The following L3MBTL4 variants were observed in gnomAD, a reference collection of about 807,000 sequenced individuals.
The protein encoded by L3MBTL4 is L3MBTL histone methyl-lysine binding protein 4, also known as lethal(3)malignant brain tumor-like protein 4.
A neutral mutation model predicts 84.5 loss-of-function variants in L3MBTL4; 70 were observed. That is an observed-to-expected ratio of 0.83 (90% CI 0.68 to 1.01). L3MBTL4 has a LOEUF of 1.01. Ranked by LOEUF, L3MBTL4 falls within the 50% of genes least tolerant of loss-of-function variation. The probability of loss-of-function intolerance (pLI) is 0.00; values close to 1 mark genes in which losing one functional copy is unlikely to be tolerated. For missense variants in L3MBTL4, 715 were observed against 754.8 expected, an observed-to-expected ratio of 0.95 and a Z score of 0.62; for synonymous variants, 274 against 259.8, an observed-to-expected ratio of 1.05 and a Z score of -0.52.
At chr18:6,351,761 C>T (rs1319986277) in intron 1 of L3MBTL4, among the ~76,000 whole-genome samples, 1 of 151,994 alleles carries the variant, frequency 6.6e-6, no homozygotes, top group Admixed American at 6.6e-5. Context: ...CCATGTTAGC[C>T]AGGATGGTCT....
At chr18:6,185,960 C>CTTTATTTTATTTTATTTTATTTTAT (rs771825177) in intron 12 of L3MBTL4, among the ~76,000 whole-genome samples, 1,983 of 145,836 alleles carry the variant, frequency 0.014, 93 homozygotes, top group African/African-American at 0.051. Context: ...AGGGCACTTT[C>CTTTATTTTATTTTATTTTATTTTAT]TTTATTTTAT....
chr18:6,043,710 A>C (rs1328531060), intron 16 of L3MBTL4, among the ~76,000 whole-genome samples: 4 of 152,220 alleles, frequency 2.6e-5, no homozygotes, highest in Non-Finnish European at 4.4e-5. Flanking sequence ...TGGGTAAGCA[A>C]TGTACCCCAA....
chr18:6,011,701 A>G (rs1464530849), intron 16 of L3MBTL4, among the ~76,000 whole-genome samples: 5 of 152,208 alleles, frequency 3.3e-5, no homozygotes, highest in African/African-American at 1.2e-4. Flanking sequence ...TCAACAAGCA[A>G]GTAGTCACTA....
At chr18:5,964,393 C>T (rs985300770) in intron 17 of L3MBTL4, among the ~76,000 whole-genome samples, 4 of 152,176 alleles carry the variant, frequency 2.6e-5, no homozygotes, top group Non-Finnish European at 2.9e-5. Context: ...TTTCCAAATG[C>T]TGGTGTTCTC....
chr18:6,246,836 G>A (rs1367160323), intron 5 of L3MBTL4, among the ~76,000 whole-genome samples: 9 of 152,142 alleles, frequency 5.9e-5, no homozygotes, highest in African/African-American at 1.9e-4. Context: ...CCCAAGAGAC[G>A]GAGGTTGCGG....
intron 13 of L3MBTL4, among the ~76,000 whole-genome samples, chr18:6,168,388 G>T (rs1191832123): frequency 2.6e-5 from 4 of 152,008 alleles, no homozygotes; most frequent in Non-Finnish European, 5.9e-5. Flanking sequence ...TAAGCCAAAA[G>T]AACAAAGCTG....
chr18:6,189,799 A>G (rs1188525232), intron 12 of L3MBTL4, among the ~76,000 whole-genome samples: 1 of 152,212 alleles, frequency 6.6e-6, no homozygotes, highest in East Asian at 1.9e-4. Context: ...GGCAAGTGGC[A>G]TAAAAGACAG....
At chr18:5,957,529 C>T (rs181224406) in intron 18 of L3MBTL4, among the ~76,000 whole-genome samples, 35 of 151,628 alleles carry the variant, frequency 2.3e-4, no homozygotes, top group East Asian at 1.6e-3. Context: ...ACTACTGCAG[C>T]GTCTCTGATT....
intron 5 of L3MBTL4, among the ~76,000 whole-genome samples, chr18:6,246,009 T>A (rs1052628617): frequency 5.3e-5 from 8 of 152,228 alleles, no homozygotes; most frequent in Admixed American, 2.0e-4. Context: ...GGAAAACAAA[T>A]CATTCAAGAA....
chr18:6,178,887 G>GCCCTGAGCCCCTTAAATGTAC (rs1480510360), intron 12 of L3MBTL4, among the ~76,000 whole-genome samples: 32 of 152,256 alleles, frequency 2.1e-4, no homozygotes, highest in Non-Finnish European at 3.5e-4. Flanking sequence ...AGTAGGACTT[G>GCCCTGAGCCCCTTAAATGTAC]CCCTGAGCCC....
At chr18:6,345,165 T>C (rs1439016418) in intron 1 of L3MBTL4, among the ~76,000 whole-genome samples, 1 of 139,376 alleles carries the variant, frequency 7.2e-6, no homozygotes, top group Non-Finnish European at 1.5e-5. Flanking sequence ...AGCTCAGTAG[T>C]TTGAGACCAG....
intron 13 of L3MBTL4, among the ~76,000 whole-genome samples, chr18:6,142,382 T>C (rs1480774142): frequency 6.6e-6 from 1 of 152,234 alleles, no homozygotes; most frequent in Non-Finnish European, 1.5e-5. Context: ...TTAGGTTGCA[T>C]GGAAATACTG....
chr18:6,243,381 A>T lies in L3MBTL4; in HGVS notation c.373T>A (p.Tyr125Asn). The T allele has an allele frequency of 1.9e-6, 3 of 1,607,932 alleles. 1 individual carries two copies. The highest frequency in any genetic ancestry group is 3.3e-4 in the Middle Eastern group (2 of 6,050). Residue 125 changes from tyrosine to asparagine, a missense_variant, in exon 7 of 19, where the codon TAT (tyrosine) becomes AAT (asparagine). Physicochemically the swap from Tyr to Asn is moderately radical, Grantham distance 143. Coordinates refer to ENST00000317931, the MANE Select transcript of L3MBTL4 (RefSeq NM_001330559.2). The part of the protein sequence containing the change: ...RLHFDGYLSC[Y>N]DFWTNAGSPD... ...GAACCAGCATTGGTCCAAAAATCATAGCAACTTAAATAACCATCAAAATGA... is the reference window on the plus strand; with the variant it reads ...GAACCAGCATTGGTCCAAAAATCATTGCAACTTAAATAACCATCAAAATGA...
At chr18:6,253,434 G>C (rs1321376722) in intron 5 of L3MBTL4, among the ~76,000 whole-genome samples, 1 of 152,192 alleles carries the variant, frequency 6.6e-6, no homozygotes, top group Admixed American at 6.5e-5. Context: ...CTCAGCCAGT[G>C]CAAGTAGGAC....
chr18:6,143,232 T>C (rs1028043590), intron 13 of L3MBTL4, among the ~76,000 whole-genome samples: 6 of 152,226 alleles, frequency 3.9e-5, no homozygotes, highest in African/African-American at 1.4e-4. Flanking sequence ...TATTTATCAA[T>C]GCATATTTAT....
intron 16 of L3MBTL4, among the ~76,000 whole-genome samples, chr18:6,003,093 GTATCTCTATTTA>G (rs2054297650): frequency 4.9e-5 from 5 of 101,044 alleles, no homozygotes; most frequent in Admixed American, 2.4e-4. Flanking sequence ...ATAAAATATA[GTATCTCTATTTA>G]TAGAGATACT....
At chr18:5,997,198 G>A (rs1445079949) in intron 16 of L3MBTL4, among the ~76,000 whole-genome samples, 1 of 150,732 alleles carries the variant, frequency 6.6e-6, no homozygotes, top group Non-Finnish European at 1.5e-5. Context: ...TATGTGAAAG[G>A]AAAATAAATC....
intron 5 of L3MBTL4, among the ~76,000 whole-genome samples, chr18:6,255,324 C>T (rs747162045): frequency 2.0e-5 from 3 of 152,202 alleles, no homozygotes; most frequent in Non-Finnish European, 2.9e-5. Context: ...CTACCAGGAA[C>T]TAAAAAGCAG....
intron 6 of L3MBTL4, 71 bp downstream of exon 6, chr18:6,244,413 T>C: frequency 1.0e-6 from 1 of 965,540 alleles, no homozygotes; most frequent in Non-Finnish European, 1.6e-6. Flanking sequence ...ATCAAACAAA[T>C]TTGTTATTTT....
Sources: gnomAD v4.1 joint callset for allele counts (sites outside exome capture counted in the v4.1 genomes callset) on GRCh38, gnomAD v4.1.1 for gene constraint, MANE v1.5 for transcripts, NCBI Gene and HGNC (gene_info 2026-07-23, HGNC 2026-07-21) for gene names.